Variants in GRIK1 observed in about 807,000 individuals in gnomAD.
GRIK1 encodes glutamate receptor ionotropic, kainate 1.
GRIK1 carries 69 observed loss-of-function variants against 105.7 expected under a neutral mutation model. That is an observed-to-expected ratio of 0.65 (90% confidence interval 0.54 to 0.80). GRIK1 has a LOEUF of 0.80. Among genes scored for constraint, GRIK1 ranks in the 30% least tolerant of loss-of-function variants. The probability of loss-of-function intolerance (pLI) is 0.00; values close to 1 mark genes in which losing one functional copy is unlikely to be tolerated. For missense variants in GRIK1, 1,109 were observed against 1,167.3 expected (o/e 0.95, Z 0.73); for synonymous variants, 438 against 431.3 (o/e 1.02, Z -0.19).
chr21:29,930,248 A>AT (rs1174360127), intron 1 of GRIK1, among the ~76,000 whole-genome samples: 3 of 152,170 alleles, frequency 2.0e-5, no homozygotes, highest in Non-Finnish European at 4.4e-5. Context: ...TCATTAATCC[A>AT]TTTTTAGGAG....
intron 1 of GRIK1, among the ~76,000 whole-genome samples, chr21:29,773,511 G>A (rs929511970): frequency 8.5e-5 from 13 of 152,050 alleles, no homozygotes; most frequent in Admixed American, 1.3e-4. Flanking sequence ...AGGCAGAGTC[G>A]TGAAATGTTT....
chr21:29,638,534 G>C (rs1340263090), intron 7 of GRIK1, among the ~76,000 whole-genome samples: 1 of 152,158 alleles, frequency 6.6e-6, no homozygotes, highest in African/African-American at 2.4e-5. Flanking sequence ...TACCCGTAAA[G>C]TGCAATACAG....
At chr21:29,737,295 A>G (rs1168130872) in intron 1 of GRIK1, among the ~76,000 whole-genome samples, 1 of 152,150 alleles carries the variant, frequency 6.6e-6, no homozygotes, top group African/African-American at 2.4e-5. Flanking sequence ...TTCCCAGAGG[A>G]TGGGGGAAGT....
intron 16 of GRIK1, chr21:29,553,597 C>T (rs1255614864): frequency 1.2e-6 from 2 of 1,605,620 alleles, no homozygotes; most frequent in Admixed American, 1.7e-5. Context: ...TCCCTCTCTC[C>T]TCTCGAATTA....
chr21:29,736,046 G>A (rs2064783155), intron 1 of GRIK1, among the ~76,000 whole-genome samples: 1 of 152,000 alleles, frequency 6.6e-6, no homozygotes, highest in South Asian at 2.1e-4. Context: ...GACATAGAAA[G>A]CAATTAAAAC....
intron 13 of GRIK1, among the ~76,000 whole-genome samples, chr21:29,579,632 G>A (rs1022795544): frequency 6.6e-6 from 1 of 152,088 alleles, no homozygotes; most frequent in Admixed American, 6.5e-5. Context: ...CTGGTTCAAC[G>A]CCACGTGCTA....
intron 1 of GRIK1, among the ~76,000 whole-genome samples, chr21:29,697,033 A>T (rs1227210163): frequency 6.6e-6 from 1 of 152,228 alleles, no homozygotes; most frequent in Non-Finnish European, 1.5e-5. Context: ...GAACAAGAAG[A>T]TTACACATTA....
At chr21:29,543,593 C>T (rs1374422900) in intron 16 of GRIK1, among the ~76,000 whole-genome samples, 1 of 152,038 alleles carries the variant, frequency 6.6e-6, no homozygotes, top group Non-Finnish European at 1.5e-5. Flanking sequence ...ATGCACCCAT[C>T]CTTGGAATTT....
At chr21:29,859,967 G>A (rs902952187) in intron 1 of GRIK1, among the ~76,000 whole-genome samples, 1 of 152,098 alleles carries the variant, frequency 6.6e-6, no homozygotes, top group African/African-American at 2.4e-5. Context: ...GACTCATCTT[G>A]GCACACTGTG....
intron 7 of GRIK1, among the ~76,000 whole-genome samples, chr21:29,633,965 G>A (rs1381115797): frequency 6.6e-6 from 1 of 152,132 alleles, no homozygotes; most frequent in African/African-American, 2.4e-5. Context: ...CCTGGCAATC[G>A]AGATCAAATG....
chr21:29,583,040 G>T (rs1026396466), intron 12 of GRIK1, among the ~76,000 whole-genome samples: 1 of 152,080 alleles, frequency 6.6e-6, no homozygotes, highest in African/African-American at 2.4e-5. Context: ...ACACCTTCCG[G>T]AAAGTGTTCA....
intron 3 of GRIK1, among the ~76,000 whole-genome samples, chr21:29,674,558 T>C (rs2063230116): frequency 6.6e-6 from 1 of 152,010 alleles, no homozygotes; most frequent in South Asian, 2.1e-4. Context: ...TGGGAGGTGA[T>C]TGGATCATGA....
chr21:29,609,212 C>A (rs976961198), intron 7 of GRIK1, among the ~76,000 whole-genome samples: 2 of 151,850 alleles, frequency 1.3e-5, no homozygotes, highest in African/African-American at 2.4e-5. Context: ...AAGATTCATT[C>A]TCTTCCTGAT....
intron 1 of GRIK1, among the ~76,000 whole-genome samples, chr21:29,877,361 T>C (rs1226808057): frequency 1.3e-5 from 2 of 152,172 alleles, no homozygotes; most frequent in Non-Finnish European, 2.9e-5. Flanking sequence ...TGTTTCAAAG[T>C]ATTTTCTCAT....
At chr21:29,617,900 T>C (rs2061889175) in intron 7 of GRIK1, among the ~76,000 whole-genome samples, 1 of 152,238 alleles carries the variant, frequency 6.6e-6, no homozygotes. Flanking sequence ...AGTCTGTTTA[T>C]TCTTTATTGC....
chr21:29,758,480 C>T (rs2065409521), intron 1 of GRIK1, among the ~76,000 whole-genome samples: 1 of 152,152 alleles, frequency 6.6e-6, no homozygotes, highest in Admixed American at 6.5e-5. Context: ...CGGGAAAGAC[C>T]TGCCCCCAAA....
chr21:29,844,669 G>A (rs780581901), intron 1 of GRIK1, among the ~76,000 whole-genome samples: 2 of 152,128 alleles, frequency 1.3e-5, no homozygotes, highest in Non-Finnish European at 2.9e-5. Flanking sequence ...TCCTCACTCC[G>A]TAAAACCATT....
At chr21:29,628,893 G>A (rs1463368636) in intron 7 of GRIK1, among the ~76,000 whole-genome samples, 1 of 152,160 alleles carries the variant, frequency 6.6e-6, no homozygotes, top group Non-Finnish European at 1.5e-5. Context: ...TATCTATGAA[G>A]ATGAACAATG....
Position 29,591,371 on chromosome 21 carries a change from A to T in GRIK1, c.1252-146T>A, listed in dbSNP as rs1288329983. 3 of 663,636 alleles carry T rather than the reference A, an allele frequency of 4.5e-6. No individual in the cohort carries two copies. The African/African-American group carries it at 5.4e-5, about 12-fold the overall frequency. The allele number at this position is 663,636 out of a possible 1,614,324, so 41.1% of individuals were successfully genotyped here. On this transcript the variant is annotated intron_variant, in intron 9 of 17. Transcript: ENST00000327783. ...ACAGTGGAAGCTACTAAACGTGGGG[A>T]AATGAAACAACAGAGGAATGAATGT...
Sources: gnomAD v4.1 joint callset for allele counts (sites outside exome capture counted in the v4.1 genomes callset) on GRCh38, gnomAD v4.1.1 for gene constraint, MANE v1.5 for transcripts, NCBI Gene and HGNC (gene_info 2026-07-23, HGNC 2026-07-21) for gene names.